ZNF528: variants seen among roughly 807,000 people sequenced by gnomAD.
The protein encoded by ZNF528 is zinc finger protein 528.
Under a neutral mutation model 13.3 loss-of-function variants are expected in ZNF528, and 9 were observed. The ratio of observed to expected loss-of-function variants is 0.67; its 90% CI spans 0.41 to 1.18. ZNF528 has a LOEUF of 1.18. Among genes scored for constraint, ZNF528 ranks in the 50% most tolerant of loss-of-function variants. The pLI is 0.01. For synonymous variants in ZNF528, 264 were observed against 254.3 expected (o/e 1.04, Z -0.36); for missense variants, 858 against 745.4 (o/e 1.15, Z -1.76).
Position 52,416,948 on chromosome 19 carries a change from A to G in ZNF528, c.*209A>G. The G allele has an allele frequency of 1.8e-6, 1 of 549,902 alleles. No individual in the cohort carries two copies. The highest frequency in any genetic ancestry group is 3.2e-6 in the Non-Finnish European group (1 of 314,118). The allele number at this position is 549,902 out of a possible 1,614,324, so 34.1% of individuals were successfully genotyped here. ...TGTGTACTTGGGCTATTATTCAAGG[A>G]CCATTGCTATAGAACACGATAGGAT... On this transcript the variant is annotated 3_prime_UTR_variant, in exon 7 of 7. Coordinates refer to ENST00000360465, the MANE Select transcript of ZNF528 (RefSeq NM_032423.3).
Position 52,415,550 on chromosome 19 carries a change from G to T in ZNF528, c.698G>T (p.Arg233Ile). The change falls in exon 7 of 7, where the codon AGA becomes ATA. Residue 233 changes from arginine to isoleucine, a missense_variant. Transcript: ENST00000360465. Reference protein sequence around the residue: ...SCSSKLVIHRRMHTGEKPYKC... With the variant: ...SCSSKLVIHRIMHTGEKPYKC... ...AGTTCAAAGCTTGTGATACATCGAA[G>T]AATGCATACTGGAGAGAAGCCTTAC... 1.2e-6 allele frequency: 2 copies of T among 1,614,098 alleles called. No homozygotes were observed. The highest frequency in any genetic ancestry group is 1.7e-6 in the Non-Finnish European group (2 of 1,180,026).
intron 6 of ZNF528, chr19:52,412,126 G>T (rs760362137): frequency 5.3e-5 from 8 of 152,166 alleles, no homozygotes; most frequent in Non-Finnish European, 2.9e-5. Flanking sequence ...TATGGATTGG[G>T]ATAGATAAGT....
intron 6 of ZNF528, chr19:52,414,450 G>C: frequency 1.7e-6 from 1 of 605,622 alleles, no homozygotes; most frequent in African/African-American, 1.9e-5. Context: ...TATTTTATTG[G>C]GTAAAGGAGA....
At chr19:52,400,408 T>G (rs955768341) in intron 2 of ZNF528, among the ~76,000 whole-genome samples, 3 of 152,276 alleles carry the variant, frequency 2.0e-5, no homozygotes, top group African/African-American at 7.2e-5. Flanking sequence ...TCTCACTCTT[T>G]CCTCCATTTC....
intron 6 of ZNF528, chr19:52,413,746 A>AT (rs1435129267): frequency 6.5e-6 from 1 of 152,736 alleles, no homozygotes; most frequent in Non-Finnish European, 1.5e-5. Flanking sequence ...GGGACAACAG[A>AT]TTCTTTCAGA....
rs944835066 is a variant in ZNF528, at chr19:52,404,956, G to A, written c.16-951G>A. On this transcript the variant is annotated intron_variant, in intron 4 of 6. Coordinates refer to ENST00000360465, the MANE Select transcript of ZNF528 (RefSeq NM_032423.3). ...GTTGGGGCCGGGCACAGTGGCTTAC[G>A]CCTGTAATCCCAGCACTTTAGGAGG... is the stretch of plus-strand genomic sequence containing the variant. Among the ~76,000 whole-genome samples, 6 of 151,746 alleles carry A rather than the reference G, an allele frequency of 4.0e-5. 1 individual carries two copies. Among genetic ancestry groups the A allele is most frequent in the South Asian group, 2.1e-4 (1 of 4,788 alleles).
At chr19:52,412,196 G>A (rs1159578429) in intron 6 of ZNF528, 1 of 152,102 alleles carries the variant, frequency 6.6e-6, no homozygotes, top group Non-Finnish European at 1.5e-5. Context: ...TATGAAGATG[G>A]GTGTAATTTG....
At chr19:52,403,445 AG>A (rs2058818317) in intron 4 of ZNF528, among the ~76,000 whole-genome samples, 1 of 152,048 alleles carries the variant, frequency 6.6e-6, no homozygotes, top group Non-Finnish European at 1.5e-5. Context: ...GGCAGATGAG[AG>A]GGTCAGGAGT....
chr19:52,398,022 T>A (rs1041772272), intron 1 of ZNF528, 118 bp downstream of exon 1: 2 of 152,064 alleles, frequency 1.3e-5, no homozygotes, highest in African/African-American at 4.8e-5. Flanking sequence ...CCACCCCGAG[T>A]AAATTCAGAC....
chr19:52,414,467 CA>C, intron 6 of ZNF528: 1 of 593,616 alleles, frequency 1.7e-6, no homozygotes, highest in Non-Finnish European at 3.0e-6. Context: ...GAGATGGTGG[CA>C]GGGGGAGGGG....
At chr19:52,404,897 C>A (rs893736086) in intron 4 of ZNF528, among the ~76,000 whole-genome samples, 3 of 151,868 alleles carry the variant, frequency 2.0e-5, no homozygotes, top group Admixed American at 2.0e-4. Flanking sequence ...CCACACCTGG[C>A]CAAGATTTTG....
intron 6 of ZNF528, chr19:52,414,848 C>A: frequency 9.5e-7 from 1 of 1,051,458 alleles, no homozygotes; most frequent in Non-Finnish European, 1.3e-6. Flanking sequence ...GAGGCTCATC[C>A]CTGCTTCTTC....
chr19:52,414,477 G>A, intron 6 of ZNF528: 1 of 587,656 alleles, frequency 1.7e-6, no homozygotes, highest in Non-Finnish European at 3.0e-6. Context: ...CAGGGGGAGG[G>A]GGTGGTTATT....
In ZNF528 at chr19:52,415,297, G is replaced by C; in HGVS notation, c.445G>C (p.Glu149Gln). The C allele has an allele frequency of 6.2e-7, 1 of 1,612,426 alleles. No homozygotes were observed. Among genetic ancestry groups the C allele is most frequent in the Non-Finnish European group, 8.5e-7 (1 of 1,179,626 alleles). Residue 149 changes from glutamate (E) to glutamine (Q), a missense_variant, in exon 7 of 7, where the codon GAA becomes CAA. Transcript: ENST00000360465. ...VSDNSSVSPLEKISSSVKSHL... is the reference protein window; with the variant it reads ...VSDNSSVSPLQKISSSVKSHL... ...TGACAATTCCTCAGTTTCACCGCTT[G>C]AAAAAATTTCTTCCAGTGTCAAATC...
intron 6 of ZNF528, chr19:52,414,290 C>T (rs1315650763): frequency 2.8e-6 from 2 of 702,582 alleles, no homozygotes; most frequent in African/African-American, 1.7e-5. Flanking sequence ...CGGAGTCCCT[C>T]TTCTGGGTCA....
chr19:52,406,972 C>T (rs953978645), intron 6 of ZNF528: 6 of 310,400 alleles, frequency 1.9e-5, no homozygotes, highest in Non-Finnish European at 3.5e-5. Flanking sequence ...GAGATAGGAT[C>T]TCTCTTGGGT....
At chr19:52,403,659 CAAA>C (rs398035018) in intron 4 of ZNF528, among the ~76,000 whole-genome samples, 1,218 of 84,926 alleles carry the variant, frequency 0.014, 14 homozygotes, top group African/African-American at 0.058. Flanking sequence ...GACTCCATCT[CAAA>C]AAAAAAAAAA....
chr19:52,416,271 C>G lies in ZNF528; in HGVS notation c.1419C>G (p.Val473=). ...KPYECKECGK[V]FRYKSSLTSH... ...ATGAATGTAAAGAATGTGGCAAAGT[C>G]TTCAGGTACAAGTCTTCTCTAACCA... Residue 473 remains valine (V), a synonymous_variant, in exon 7 of 7, where the codon GTC becomes GTG. Coordinates refer to ENST00000360465, the MANE Select transcript of ZNF528 (RefSeq NM_032423.3). The G allele has an allele frequency of 6.2e-7, 1 of 1,614,076 alleles. No homozygotes were observed. Among genetic ancestry groups the G allele is most frequent in the East Asian group, 2.2e-5 (1 of 44,866 alleles).
chr19:52,406,502 C>G lies in ZNF528; in HGVS notation c.143-13C>G. ...ATGCCACAGCACACATTTATTCTTT[C>G]TTTTATAAATAGGAATCTGTCTTCC... On this transcript the variant is annotated splice_polypyrimidine_tract_variant and intron_variant, in intron 5 of 6. Coordinates refer to ENST00000360465, the MANE Select transcript of ZNF528 (RefSeq NM_032423.3). 1 of 1,611,776 alleles carries G rather than the reference C, an allele frequency of 6.2e-7. No homozygotes were observed. The highest frequency in any genetic ancestry group is 1.3e-5 in the African/African-American group (1 of 74,872).
Sources: gnomAD v4.1 joint callset for allele counts (sites outside exome capture counted in the v4.1 genomes callset) on GRCh38, gnomAD v4.1.1 for gene constraint, MANE v1.5 for transcripts, NCBI Gene and HGNC (gene_info 2026-07-23, HGNC 2026-07-21) for gene names.